Variants in RELN observed in about 807,000 individuals in gnomAD.
The protein encoded by RELN is reelin.
A neutral mutation model predicts 427.6 loss-of-function variants in RELN; 108 were observed. The ratio of observed to expected loss-of-function variants is 0.25; its 90% CI spans 0.22 to 0.30. The LOEUF is 0.30. Ranked by LOEUF, RELN falls within the 10% of genes least tolerant of loss-of-function variation. The pLI is 1.00. For missense variants in RELN, 3,715 were observed against 4,302.8 expected (o/e 0.86, Z 3.82); for synonymous variants, 1,524 against 1,513.4 (o/e 1.01, Z -0.16).
At chr7:103,771,131 G>T (rs944647358) in intron 4 of RELN, among the ~76,000 whole-genome samples, 7 of 151,636 alleles carry the variant, frequency 4.6e-5, no homozygotes, top group African/African-American at 1.7e-4. Context: ...TGGCCAGGCT[G>T]GTCTCAAACT....
At position 103,968,575 on chromosome 7, in the gene RELN, A is replaced by G. The variant is rs1796703070; in HGVS notation, c.226+20556T>C. 6.6e-6 allele frequency among the ~76,000 whole-genome samples: 1 copy of G among 152,232 alleles called. No homozygotes were observed. The highest frequency in any genetic ancestry group is 1.5e-5 in the Non-Finnish European group (1 of 68,038). Reference sequence around the variant, plus strand: ...TTAGATCTCCTCAATGAGAGATCCAAGAAGACAAAGGATATTACTGCTTCC... The same window carrying G: ...TTAGATCTCCTCAATGAGAGATCCAGGAAGACAAAGGATATTACTGCTTCC... On this transcript the variant is annotated intron_variant, in intron 1 of 64. Coordinates refer to ENST00000428762, the MANE Select transcript of RELN (RefSeq NM_005045.4). The surrounding 1 kb of genome is among the most constrained non-coding windows in gnomAD (Gnocchi z 4.3).
At chr7:103,674,787 A>C (rs1465759337) in intron 11 of RELN, among the ~76,000 whole-genome samples, 5 of 152,220 alleles carry the variant, frequency 3.3e-5, no homozygotes, top group African/African-American at 1.2e-4. Flanking sequence ...GATAAAAACC[A>C]CATGATTATC....
intron 11 of RELN, among the ~76,000 whole-genome samples, chr7:103,663,556 CTCT>C (rs986295026): frequency 6.6e-6 from 1 of 152,170 alleles, no homozygotes; most frequent in Admixed American, 6.5e-5. Flanking sequence ...GGGAAACACC[CTCT>C]TCTTCTCCCG....
At chr7:103,659,223 C>T (rs1322064054) in intron 12 of RELN, among the ~76,000 whole-genome samples, 1 of 151,940 alleles carries the variant, frequency 6.6e-6, no homozygotes, top group East Asian at 1.9e-4. Flanking sequence ...AGCAACCCTG[C>T]CCTAACTGAT....
chr7:103,791,925 CA>C (rs1334635818), intron 3 of RELN, among the ~76,000 whole-genome samples: 1 of 151,966 alleles, frequency 6.6e-6, no homozygotes, highest in East Asian at 1.9e-4. Flanking sequence ...ACAATTTGAA[CA>C]GACATTTATC....
intron 1 of RELN, among the ~76,000 whole-genome samples, chr7:103,961,498 G>C (rs1796552758): frequency 6.6e-6 from 1 of 152,166 alleles, no homozygotes; most frequent in African/African-American, 2.4e-5. Flanking sequence ...TCACTCACCA[G>C]GTAATTTACT....
chr7:103,608,811 G>A lies in RELN; in HGVS notation c.3008+1884C>T, dbSNP rs78127716. ...AATAATAATGTAGCACACAATTTGA[G>A]TGTCAAAGAACCTGCAAAGGCTTTT... On this transcript the variant is annotated intron_variant, in intron 22 of 64. Transcript: ENST00000428762. Among the ~76,000 whole-genome samples the A allele has an allele frequency of 2.2e-3, 331 of 152,288 alleles. 9 individuals carry two copies. The East Asian group carries it at 0.052, about 24-fold the overall frequency.
intron 47 of RELN, 149 bp from the exon 48 acceptor site, chr7:103,522,348 C>T: frequency 8.2e-6 from 6 of 735,730 alleles, no homozygotes. Flanking sequence ...CACCTGCTCT[C>T]CTTAACTGTA....
rs1391560154 is a variant in RELN, at chr7:103,773,162, T to TTCTTTCTTTCTTTC, written c.544+3394_544+3395insGAAAGAAAGAAAGA. 1.1e-3 allele frequency among the ~76,000 whole-genome samples: 118 copies of TTCTTTCTTTCTTTC among 106,030 alleles called. 1 individual carries two copies. Among genetic ancestry groups the TTCTTTCTTTCTTTC allele is most frequent in the African/African-American group, 3.7e-3 (111 of 29,686 alleles). 69.6% of individuals were successfully genotyped at this position (106,030 alleles called of 152,430 possible). A position where few individuals can be genotyped will look rare whatever the true frequency, so the allele number is the denominator to read the frequency against. On this transcript the variant is annotated intron_variant, in intron 4 of 64. Transcript: ENST00000428762. ...TTTCTTTCTTTCTTTCTTTCTTTCT[T>TTCTTTCTTTCTTTC]TCTTTTTCTTTCTTTCCTTCTTTCT...
At chr7:103,520,954 G>GTTTT (rs1462369530) in intron 48 of RELN, among the ~76,000 whole-genome samples, 2,005 of 77,638 alleles carry the variant, frequency 0.026, 244 homozygotes, top group East Asian at 0.035. Context: ...CAGTAAATTT[G>GTTTT]TTATTTTTTT....
At chr7:103,488,904 G>A (rs1164281373) in intron 60 of RELN, among the ~76,000 whole-genome samples, 3 of 152,208 alleles carry the variant, frequency 2.0e-5, no homozygotes, top group African/African-American at 7.2e-5. Context: ...TATGTAAATA[G>A]TAAAGCATAA....
At chr7:103,517,633 C>T (rs1289534872) in intron 49 of RELN, among the ~76,000 whole-genome samples, 1 of 152,208 alleles carries the variant, frequency 6.6e-6, no homozygotes. Flanking sequence ...AAACAGTTTA[C>T]TTGGCTTGTC....
intron 3 of RELN, 107 bp downstream of exon 3, chr7:103,833,430 T>C (rs1285894546): frequency 8.9e-7 from 1 of 1,121,240 alleles, no homozygotes; most frequent in Non-Finnish European, 1.4e-6. Flanking sequence ...TTAATTAGGG[T>C]TAAACCTGTC....
At chr7:103,850,220 G>A (rs1793789222) in intron 2 of RELN, among the ~76,000 whole-genome samples, 1 of 152,182 alleles carries the variant, frequency 6.6e-6, no homozygotes, top group South Asian at 2.1e-4. Context: ...ATGCTCTGAA[G>A]GAAGCAGACT....
chr7:103,588,627 AGTT>A (rs2117237001), intron 28 of RELN, among the ~76,000 whole-genome samples: 1 of 152,316 alleles, frequency 6.6e-6, no homozygotes, highest in East Asian at 1.9e-4. Flanking sequence ...TGTAAAAGCT[AGTT>A]ATTATTGGTG....
chr7:103,819,168 G>T (rs1227039035), intron 3 of RELN, among the ~76,000 whole-genome samples: 1 of 151,530 alleles, frequency 6.6e-6, no homozygotes, highest in Non-Finnish European at 1.5e-5. Flanking sequence ...CATAATCAGA[G>T]GTAAAATTGT....
chr7:103,715,255 GA>G (rs1377131139), intron 8 of RELN, among the ~76,000 whole-genome samples: 1 of 152,084 alleles, frequency 6.6e-6, no homozygotes, highest in Non-Finnish European at 1.5e-5. Flanking sequence ...AAATAAAGTA[GA>G]AAAATAAAAT....
At chr7:103,748,757 C>G (rs1320448414) in intron 6 of RELN, among the ~76,000 whole-genome samples, 1 of 152,148 alleles carries the variant, frequency 6.6e-6, no homozygotes, top group Non-Finnish European at 1.5e-5. Flanking sequence ...TTATCTTGAA[C>G]TCTTCTGTCC....
In RELN at chr7:103,519,312, C is replaced by T. The variant is rs753148540; in HGVS notation, c.7862+11G>A. The T allele has an allele frequency of 5.0e-6, 8 of 1,605,208 alleles. No individual in the cohort carries two copies. The highest frequency in any genetic ancestry group is 1.1e-5 in the South Asian group (1 of 90,902). On this transcript the variant is annotated intron_variant, in intron 49 of 64. Transcript: ENST00000428762. ...ATGTACTCGTTATTAGATATCAAAT[C>T]GAATACAAACCCGGGCTTACTGTAC... is the stretch of plus-strand genomic sequence containing the variant.
Sources: allele counts gnomAD v4.1 joint callset (sites outside exome capture counted in the v4.1 genomes callset), GRCh38; gene constraint gnomAD v4.1.1; non-coding constraint Gnocchi (gnomAD v3.1); transcripts MANE v1.5; gene names NCBI Gene and HGNC (gene_info 2026-07-23, HGNC 2026-07-21).